Variants in NCAM2 observed in about 807,000 individuals in gnomAD.
NCAM2 encodes the protein neural cell adhesion molecule 2, also known as N-CAM-2.
A neutral mutation model predicts 98.1 loss-of-function variants in NCAM2; 30 were observed. The observed-to-expected ratio is 0.31, with a 90% CI of 0.23 to 0.41. The LOEUF is 0.41. NCAM2 is among the 10% of genes least tolerant of loss of function. The pLI, the probability that NCAM2 is intolerant of heterozygous loss-of-function variation, is 1.00. For missense variants in NCAM2, 867 were observed against 1,005.8 expected, an observed-to-expected ratio of 0.86 and a Z score of 1.87; for synonymous variants, 368 against 342.4, an observed-to-expected ratio of 1.07 and a Z score of -0.83.
At chr21:21,454,181 G>A (rs1981771892) in intron 12 of NCAM2, among the ~76,000 whole-genome samples, 1 of 151,930 alleles carries the variant, frequency 6.6e-6, no homozygotes, top group African/African-American at 2.4e-5. Context: ...AATTTTTCAT[G>A]CATTAAACAA....
At chr21:21,138,943 A>C (rs560655125) in intron 1 of NCAM2, among the ~76,000 whole-genome samples, 1 of 152,316 alleles carries the variant, frequency 6.6e-6, no homozygotes, top group African/African-American at 2.4e-5. Flanking sequence ...TTAATGATAA[A>C]TAATAGTTAT....
At chr21:21,487,870 G>C (rs1986521095) in intron 15 of NCAM2, among the ~76,000 whole-genome samples, 1 of 151,952 alleles carries the variant, frequency 6.6e-6, no homozygotes, top group Non-Finnish European at 1.5e-5. Flanking sequence ...ATTCTTACGT[G>C]GAAAAACCTT....
chr21:21,109,239 C>G (rs1162397979), intron 1 of NCAM2, among the ~76,000 whole-genome samples: 3 of 151,956 alleles, frequency 2.0e-5, no homozygotes, highest in Admixed American at 6.6e-5. Flanking sequence ...ATATGAATGA[C>G]CAGTTAAATA....
chr21:21,340,588 A>C (rs1010157720), intron 8 of NCAM2, among the ~76,000 whole-genome samples: 2 of 151,982 alleles, frequency 1.3e-5, no homozygotes, highest in Non-Finnish European at 2.9e-5. Context: ...GCTTTTCTGC[A>C]CAAGTTTAAT....
chr21:21,041,495 G>T (rs1776993559), intron 1 of NCAM2, among the ~76,000 whole-genome samples: 2 of 152,178 alleles, frequency 1.3e-5, no homozygotes, highest in Admixed American at 6.5e-5. Context: ...GGAATTAGGT[G>T]AGGAGTCTTT....
intron 12 of NCAM2, among the ~76,000 whole-genome samples, chr21:21,453,004 A>G (rs1443981444): frequency 6.7e-5 from 7 of 104,540 alleles, no homozygotes; most frequent in Non-Finnish European, 1.2e-4. Flanking sequence ...TATATAATAT[A>G]TAATATATAA....
At chr21:21,417,273 G>A (rs962789) in intron 10 of NCAM2, among the ~76,000 whole-genome samples, 2,163 of 152,094 alleles carry the variant, frequency 0.014, 41 homozygotes, top group Admixed American at 0.037. Context: ...AGTTAAATTA[G>A]CCTTGCTTAT....
intron 1 of NCAM2, among the ~76,000 whole-genome samples, chr21:21,232,914 A>G (rs1407584668): frequency 6.6e-6 from 1 of 151,612 alleles, no homozygotes; most frequent in Non-Finnish European, 1.5e-5. Context: ...AGACCTGAAA[A>G]CTTCCATAGT....
intron 16 of NCAM2, among the ~76,000 whole-genome samples, chr21:21,516,058 T>C (rs182048627): frequency 5.9e-5 from 9 of 152,266 alleles, no homozygotes; most frequent in Non-Finnish European, 2.9e-5. Context: ...CGTATGTCCA[T>C]GTATCGAATG....
At chr21:21,304,857 A>C (rs1262212820) in intron 5 of NCAM2, among the ~76,000 whole-genome samples, 1 of 152,164 alleles carries the variant, frequency 6.6e-6, no homozygotes, top group African/African-American at 2.4e-5. Flanking sequence ...TGGCAGATTT[A>C]TCTCTAATTA....
At chr21:21,247,263 G>T (rs943536312) in intron 1 of NCAM2, among the ~76,000 whole-genome samples, 11 of 152,124 alleles carry the variant, frequency 7.2e-5, no homozygotes, top group South Asian at 4.1e-4. Context: ...AGCTTGCAGT[G>T]AGTCGAGATC....
intron 1 of NCAM2, among the ~76,000 whole-genome samples, chr21:21,056,950 C>T (rs1237286876): frequency 1.3e-5 from 2 of 152,058 alleles, no homozygotes; most frequent in Admixed American, 1.3e-4. Flanking sequence ...TATATACCCT[C>T]TTTAATTATA....
chr21:21,105,517 C>G (rs2066326496), intron 1 of NCAM2, among the ~76,000 whole-genome samples: 1 of 151,978 alleles, frequency 6.6e-6, no homozygotes, highest in African/African-American at 2.4e-5. Context: ...CCTTCATATA[C>G]ATGATTGCTT....
intron 1 of NCAM2, among the ~76,000 whole-genome samples, chr21:21,258,028 A>G (rs1378331616): frequency 6.6e-6 from 1 of 152,190 alleles, no homozygotes; most frequent in Non-Finnish European, 1.5e-5. Context: ...TTAGTTTCCT[A>G]ATGCCTTGAA....
At chr21:21,118,062 G>GAAGA (rs1319981787) in intron 1 of NCAM2, among the ~76,000 whole-genome samples, 1 of 152,106 alleles carries the variant, frequency 6.6e-6, no homozygotes, top group Non-Finnish European at 1.5e-5. Context: ...ATGCTAAATT[G>GAAGA]AAGAAAATTT....
At chr21:21,452,755 A>G (rs1271122433) in intron 12 of NCAM2, among the ~76,000 whole-genome samples, 1 of 107,434 alleles carries the variant, frequency 9.3e-6, no homozygotes, top group Non-Finnish European at 1.7e-5. Context: ...TATATAATAT[A>G]TTACTTTATG....
At chr21:21,042,965 G>T (rs1367721756) in intron 1 of NCAM2, among the ~76,000 whole-genome samples, 2 of 152,156 alleles carry the variant, frequency 1.3e-5, no homozygotes, top group African/African-American at 4.8e-5. Flanking sequence ...ATTCAATTTT[G>T]TTGTAACATG....
At chr21:21,012,195 T>C (rs1303726919) in intron 1 of NCAM2, among the ~76,000 whole-genome samples, 1 of 152,132 alleles carries the variant, frequency 6.6e-6, no homozygotes, top group Non-Finnish European at 1.5e-5. Context: ...TTAATAAGCA[T>C]GGAGAACTAG....
At chr21:21,044,949 TAC>T (rs2064979741) in intron 1 of NCAM2, among the ~76,000 whole-genome samples, 1 of 152,140 alleles carries the variant, frequency 6.6e-6, no homozygotes, top group Non-Finnish European at 1.5e-5. Context: ...TATATATGTA[TAC>T]ACACACAGAT....
Sources: gnomAD v4.1 joint callset for allele counts (sites outside exome capture counted in the v4.1 genomes callset) on GRCh38, gnomAD v4.1.1 for gene constraint, MANE v1.5 for transcripts, NCBI Gene and HGNC (gene_info 2026-07-23, HGNC 2026-07-21) for gene names.